The following HRH1 variants were observed in gnomAD, a reference collection of about 807,000 sequenced individuals.
HRH1 encodes histamine H1 receptor.
In HRH1, 6 loss-of-function variants were observed where a neutral mutation model predicts 10.3. The observed-to-expected ratio is 0.58, with a 90% CI of 0.32 to 1.15. HRH1 has a LOEUF of 1.15. Among genes scored for constraint, HRH1 ranks in the 50% most tolerant of loss-of-function variants. The pLI is 0.05. For synonymous variants in HRH1, 242 were observed against 236.7 expected (o/e 1.02, Z -0.21); for missense variants, 514 against 615.3 (o/e 0.84, Z 1.74).
At chr3:11,155,590 C>A (rs1195507541) in intron 1 of HRH1, among the ~76,000 whole-genome samples, 2 of 152,146 alleles carry the variant, frequency 1.3e-5, no homozygotes, top group Non-Finnish European at 2.9e-5. Flanking sequence ...GAGTGGCTGT[C>A]CTCCGGCAGA....
chr3:11,219,082 G>A (rs1938610118), intron 1 of HRH1, among the ~76,000 whole-genome samples: 1 of 151,768 alleles, frequency 6.6e-6, no homozygotes. Context: ...GTAGAGACAG[G>A]GTTTCACTAT....
chr3:11,261,619 T>G lies in HRH1; in HGVS notation c.*1118T>G, dbSNP rs1321876027. ...TGAGAGGCTGAGGTGGGCAGATCAT[T>G]TGAGGCCAGGAGTTCAAGACCAGTC... On this transcript the variant is annotated 3_prime_UTR_variant, in exon 2 of 2. Transcript: ENST00000431010. 1 of 166,804 alleles carries G rather than the reference T, an allele frequency of 6.0e-6. No individual in the cohort carries two copies. The highest frequency in any genetic ancestry group is 1.9e-4 in the East Asian group (1 of 5,180). 10.3% of individuals were successfully genotyped at this position (166,804 alleles called of 1,614,324 possible). A position where few individuals can be genotyped will look rare whatever the true frequency, so the allele number is the denominator to read the frequency against.
At chr3:11,212,860 T>A (rs975813038) in intron 1 of HRH1, among the ~76,000 whole-genome samples, 4 of 152,026 alleles carry the variant, frequency 2.6e-5, no homozygotes, top group Non-Finnish European at 4.4e-5. Flanking sequence ...CCTAAGTTTA[T>A]CTCCCCTCAC....
At chr3:11,231,700 TTGA>T (rs1319968150) in intron 1 of HRH1, among the ~76,000 whole-genome samples, 5 of 152,178 alleles carry the variant, frequency 3.3e-5, no homozygotes, top group Admixed American at 3.3e-4. Flanking sequence ...CTTTTTACTG[TTGA>T]GTTTTGAGAG....
At chr3:11,140,213 T>A (rs1453259193) in intron 1 of HRH1, among the ~76,000 whole-genome samples, 5 of 152,098 alleles carry the variant, frequency 3.3e-5, no homozygotes, top group Non-Finnish European at 7.4e-5. Flanking sequence ...ATCCACCCCA[T>A]CTGACAGAGA....
At chr3:11,148,378 T>C (rs1936510048) in intron 1 of HRH1, among the ~76,000 whole-genome samples, 1 of 152,108 alleles carries the variant, frequency 6.6e-6, no homozygotes, top group Non-Finnish European at 1.5e-5. Context: ...CAGGTTTATC[T>C]GCATGTAAGA....
chr3:11,201,391 G>T (rs1293105618), intron 1 of HRH1, among the ~76,000 whole-genome samples: 2 of 152,154 alleles, frequency 1.3e-5, no homozygotes, highest in Admixed American at 1.3e-4. Context: ...AAGGGCACGG[G>T]GTATTATGGG....
chr3:11,235,287 G>A (rs1043187306), intron 1 of HRH1, among the ~76,000 whole-genome samples: 20 of 152,016 alleles, frequency 1.3e-4, no homozygotes, highest in Admixed American at 2.6e-4. Context: ...TTGAAATATG[G>A]AAATTTTAGG....
intron 1 of HRH1, chr3:11,253,053 G>T (rs1315035828): frequency 2.0e-5 from 3 of 152,046 alleles, no homozygotes; most frequent in South Asian, 2.1e-4. Flanking sequence ...ACAGAAATTT[G>T]CTGCTAGCTG....
chr3:11,227,262 A>G (rs975956826), intron 1 of HRH1, among the ~76,000 whole-genome samples: 6 of 150,672 alleles, frequency 4.0e-5, no homozygotes, highest in Admixed American at 3.3e-4. Flanking sequence ...AGGAAATGCC[A>G]TTTGCCTATG....
At chr3:11,186,636 G>A (rs766196318) in intron 1 of HRH1, among the ~76,000 whole-genome samples, 8 of 152,196 alleles carry the variant, frequency 5.3e-5, no homozygotes, top group Non-Finnish European at 1.0e-4. Context: ...AGACCACTCT[G>A]ATTCCTCTCA....
intron 1 of HRH1, among the ~76,000 whole-genome samples, chr3:11,196,574 C>G (rs932583903): frequency 2.0e-5 from 3 of 152,140 alleles, no homozygotes; most frequent in African/African-American, 7.2e-5. Context: ...TAGGGACATG[C>G]CTGTTTACTC....
At chr3:11,168,035 G>A (rs1937081080) in intron 1 of HRH1, among the ~76,000 whole-genome samples, 1 of 152,162 alleles carries the variant, frequency 6.6e-6, no homozygotes, top group Non-Finnish European at 1.5e-5. Flanking sequence ...GTGAAGATGA[G>A]TGAAGAGCAT....
chr3:11,246,872 CCT>C (rs1475979334), intron 1 of HRH1, among the ~76,000 whole-genome samples: 1 of 151,972 alleles, frequency 6.6e-6, no homozygotes, highest in Non-Finnish European at 1.5e-5. Context: ...ACAGTGAGAC[CCT>C]CTCTCTACAG....
In HRH1 at chr3:11,173,374, T is replaced by TTA. The variant is rs55976050; in HGVS notation, c.-36+18832_-36+18833dup. On this transcript the variant is annotated intron_variant, in intron 1 of 1. Transcript: ENST00000431010. ...AGAAAGGGTAGCTGTCAAATAATAA[T>TTA]TATATATATATATGGGGTTTTTTTG... Among the ~76,000 whole-genome samples the TTA allele has an allele frequency of 4.6e-4, 69 of 151,136 alleles. 1 individual carries two copies. Among genetic ancestry groups the TTA allele is most frequent in the African/African-American group, 1.3e-3 (55 of 41,208 alleles).
chr3:11,172,626 C>G (rs1574987570), intron 1 of HRH1, among the ~76,000 whole-genome samples: 3 of 152,124 alleles, frequency 2.0e-5, no homozygotes, highest in African/African-American at 7.2e-5. Context: ...CTAAGGGACT[C>G]AGGACCCCCA....
At chr3:11,161,605 G>T (rs1435298266) in intron 1 of HRH1, among the ~76,000 whole-genome samples, 1 of 152,184 alleles carries the variant, frequency 6.6e-6, no homozygotes, top group Non-Finnish European at 1.5e-5. Flanking sequence ...TGGGCCTCTG[G>T]TAGGGTCTGC....
chr3:11,186,355 A>G (rs1937452150), intron 1 of HRH1, among the ~76,000 whole-genome samples: 1 of 152,214 alleles, frequency 6.6e-6, no homozygotes. Flanking sequence ...CCATCATGCC[A>G]GTGCCCTTAT....
intron 1 of HRH1, among the ~76,000 whole-genome samples, chr3:11,175,763 A>C (rs1937236770): frequency 6.6e-6 from 1 of 152,210 alleles, no homozygotes; most frequent in Non-Finnish European, 1.5e-5. Flanking sequence ...CATATGTCGA[A>C]TTGACAATTC....
Sources: gnomAD v4.1 joint callset for allele counts (sites outside exome capture counted in the v4.1 genomes callset) on GRCh38, gnomAD v4.1.1 for gene constraint, MANE v1.5 for transcripts, NCBI Gene and HGNC (gene_info 2026-07-23, HGNC 2026-07-21) for gene names.